The following HCN1 variants were observed in gnomAD, a reference collection of about 807,000 sequenced individuals.
The protein encoded by HCN1 is potassium/sodium hyperpolarization-activated cyclic nucleotide-gated channel 1.
A neutral mutation model predicts 78.9 loss-of-function variants in HCN1; 13 were observed. The observed-to-expected ratio is 0.16, with a 90% CI of 0.11 to 0.26. The LOEUF is 0.26. Among genes scored for constraint, HCN1 ranks in the 10% least tolerant of loss-of-function variants. The pLI is 1.00. For synonymous variants in HCN1, 552 were observed against 455.5 expected (o/e 1.21, Z -2.70); for missense variants, 810 against 1,154.3 (o/e 0.70, Z 4.32).
intron 3 of HCN1, among the ~76,000 whole-genome samples, chr5:45,410,207 T>C (rs1739998221): frequency 1.3e-5 from 2 of 152,052 alleles, no homozygotes; most frequent in Admixed American, 1.3e-4. Context: ...CTTCATTTAC[T>C]GATGTGGATA....
intron 2 of HCN1, among the ~76,000 whole-genome samples, chr5:45,585,478 C>T (rs958922587): frequency 6.6e-5 from 10 of 152,054 alleles, no homozygotes; most frequent in African/African-American, 2.4e-4. Context: ...TTCGAACTTC[C>T]TCCTTTAGCT....
intron 1 of HCN1, among the ~76,000 whole-genome samples, chr5:45,659,340 C>G (rs1340549677): frequency 6.8e-5 from 8 of 118,464 alleles, no homozygotes; most frequent in Non-Finnish European, 1.7e-5. Flanking sequence ...TAGATAAAAC[C>G]ACAAAGATGG....
chr5:45,288,464 C>A (rs1178691059), intron 6 of HCN1, among the ~76,000 whole-genome samples: 1 of 151,936 alleles, frequency 6.6e-6, no homozygotes, highest in Non-Finnish European at 1.5e-5. Context: ...CTGAAAGGGG[C>A]TGTAGAAAGC....
chr5:45,304,563 C>T (rs541687858), intron 5 of HCN1, among the ~76,000 whole-genome samples: 1 of 152,174 alleles, frequency 6.6e-6, no homozygotes, highest in East Asian at 1.9e-4. Flanking sequence ...GTAATCCCAG[C>T]TACTCGGGAG....
At chr5:45,631,795 T>TA (rs1745273392) in intron 2 of HCN1, among the ~76,000 whole-genome samples, 1 of 152,156 alleles carries the variant, frequency 6.6e-6, no homozygotes, top group Non-Finnish European at 1.5e-5. Context: ...AAATGAACTT[T>TA]AAAAAATCAT....
chr5:45,459,529 AAACACACACATG>A (rs1741101188), intron 3 of HCN1, among the ~76,000 whole-genome samples: 1 of 152,048 alleles, frequency 6.6e-6, no homozygotes, highest in African/African-American at 2.4e-5. Context: ...CACACACCAC[AAACACACACATG>A]AACACACACA....
intron 2 of HCN1, among the ~76,000 whole-genome samples, chr5:45,500,008 A>T (rs962538135): frequency 6.6e-6 from 1 of 152,110 alleles, no homozygotes; most frequent in South Asian, 2.1e-4. Context: ...AGATTCTAGA[A>T]GTAATTATAA....
intron 4 of HCN1, among the ~76,000 whole-genome samples, chr5:45,366,170 G>A (rs558522569): frequency 1.3e-5 from 2 of 151,012 alleles, no homozygotes; most frequent in Non-Finnish European, 3.0e-5. Flanking sequence ...GCATTTGTGT[G>A]TGTGTGTGTG....
intron 4 of HCN1, among the ~76,000 whole-genome samples, chr5:45,372,757 T>C (rs559763619): frequency 2.1e-5 from 3 of 143,330 alleles, no homozygotes; most frequent in African/African-American, 7.6e-5. Flanking sequence ...ACGTATTCTA[T>C]ACACAAAAAT....
chr5:45,602,247 G>C (rs1363125431), intron 2 of HCN1, among the ~76,000 whole-genome samples: 1 of 152,114 alleles, frequency 6.6e-6, no homozygotes, highest in South Asian at 2.1e-4. Context: ...GTACCTGTAT[G>C]TGGAGATAAG....
At chr5:45,430,326 T>C (rs182278508) in intron 3 of HCN1, among the ~76,000 whole-genome samples, 1 of 152,154 alleles carries the variant, frequency 6.6e-6, no homozygotes, top group Non-Finnish European at 1.5e-5. Flanking sequence ...ATGTGTAGGT[T>C]TGTTATATAG....
chr5:45,475,267 C>G (rs1741489237), intron 2 of HCN1, among the ~76,000 whole-genome samples: 1 of 151,964 alleles, frequency 6.6e-6, no homozygotes, highest in Non-Finnish European at 1.5e-5. Context: ...GGTTTCTGTG[C>G]TCTAAATGCA....
At chr5:45,490,594 T>G (rs1018345509) in intron 2 of HCN1, among the ~76,000 whole-genome samples, 1 of 152,114 alleles carries the variant, frequency 6.6e-6, no homozygotes, top group African/African-American at 2.4e-5. Flanking sequence ...CACCTACCAC[T>G]TCTGCTGCTG....
chr5:45,676,465 A>G (rs1051420397), intron 1 of HCN1, among the ~76,000 whole-genome samples: 8 of 151,744 alleles, frequency 5.3e-5, no homozygotes, highest in African/African-American at 1.9e-4. Flanking sequence ...CAAGAAAATC[A>G]GGAGAAAAAT....
At chr5:45,499,240 T>C (rs1216708450) in intron 2 of HCN1, among the ~76,000 whole-genome samples, 1 of 152,170 alleles carries the variant, frequency 6.6e-6, no homozygotes, top group Non-Finnish European at 1.5e-5. Context: ...CAGGACTCCA[T>C]GCGCATGCAC....
chr5:45,317,509 G>A (rs1194694119), intron 5 of HCN1, among the ~76,000 whole-genome samples: 1 of 152,132 alleles, frequency 6.6e-6, no homozygotes, highest in African/African-American at 2.4e-5. Flanking sequence ...AATGGGCAAG[G>A]ACTTCATGAC....
chr5:45,649,852 G>C (rs1319141275), intron 1 of HCN1, among the ~76,000 whole-genome samples: 2 of 152,116 alleles, frequency 1.3e-5, no homozygotes, highest in Admixed American at 6.6e-5. Flanking sequence ...AAGCCAAAGA[G>C]CCATTAACAA....
chr5:45,304,571 G>A (rs186388843), intron 5 of HCN1, among the ~76,000 whole-genome samples: 1 of 152,058 alleles, frequency 6.6e-6, no homozygotes, highest in Non-Finnish European at 1.5e-5. Flanking sequence ...AGCTACTCGG[G>A]AGGCTGAGGC....
intron 3 of HCN1, among the ~76,000 whole-genome samples, chr5:45,407,157 T>G (rs1739941879): frequency 6.6e-6 from 1 of 152,150 alleles, no homozygotes; most frequent in Non-Finnish European, 1.5e-5. Flanking sequence ...TAATGATGTT[T>G]CAGTTAATGA....
Sources: gnomAD v4.1 joint callset for allele counts (sites outside exome capture counted in the v4.1 genomes callset) on GRCh38, gnomAD v4.1.1 for gene constraint, MANE v1.5 for transcripts, NCBI Gene and HGNC (gene_info 2026-07-23, HGNC 2026-07-21) for gene names.